The following TRPA1 variants were observed in gnomAD, a reference collection of about 807,000 sequenced individuals.
TRPA1 encodes the protein ankyrin-like with transmembrane domains 1.
In TRPA1, 129 loss-of-function variants were observed where a neutral mutation model predicts 131.3. That is an observed-to-expected ratio of 0.98 (90% CI 0.85 to 1.14). The LOEUF (loss-of-function observed/expected upper bound fraction) is 1.14, where lower values mean the gene tolerates loss of function less well. Ranked by LOEUF, TRPA1 falls within the 50% of genes most tolerant of loss-of-function variation. The pLI, the probability that TRPA1 is intolerant of heterozygous loss-of-function variation, is 0.00. For missense variants in TRPA1, 1,304 were observed against 1,354.2 expected (o/e 0.96, Z 0.58); for synonymous variants, 441 against 451.7 (o/e 0.98, Z 0.30).
At chr8:72,045,908 A>G (rs960834205) in intron 17 of TRPA1, among the ~76,000 whole-genome samples, 1 of 152,068 alleles carries the variant, frequency 6.6e-6, no homozygotes, top group East Asian at 1.9e-4. Flanking sequence ...ATTTAAGTCT[A>G]TGCTGTGTCT....
rs560054007 is a variant in TRPA1, at chr8:72,055,817, G to T, written c.1233C>A (p.Asn411Lys). ...QIKELVMDED[N>K]DGCTPLHYAC... ...CATAATGTAGAGGAGTACACCCATCGTTGTCTTCATCCATTACCAGCTCTT... is the reference window on the plus strand; with the variant it reads ...CATAATGTAGAGGAGTACACCCATCTTTGTCTTCATCCATTACCAGCTCTT... The change falls in exon 11 of 27, where the codon AAC (asparagine) becomes AAA (lysine). Residue 411 changes from asparagine (N) to lysine (K), a missense_variant. Asn to Lys is a moderately conservative substitution (Grantham distance 94). Transcript: ENST00000262209. 3.1e-6 allele frequency: 5 copies of T among 1,613,336 alleles called. No homozygotes were observed. Among genetic ancestry groups the T allele is most frequent in the Non-Finnish European group, 4.2e-6 (5 of 1,179,564 alleles).
rs140642064 is a variant in TRPA1 at position 72,055,130 on chromosome 8, T to C, written c.1529+306A>G. On this transcript the variant is annotated intron_variant, in intron 12 of 26. Coordinates refer to ENST00000262209, the MANE Select transcript of TRPA1 (RefSeq NM_007332.3). ...TATGGCAGCATGATGAGGTAAAATA[T>C]GAGAAACTATGTTTCAAAGAAAGGT... 1,040 of 348,634 alleles carry C rather than the reference T, an allele frequency of 3.0e-3. 16 individuals are homozygous for C. The highest frequency in any genetic ancestry group is 0.02 in the African/African-American group (925 of 46,728). The allele number at this position is 348,634 out of a possible 1,614,324, so 21.6% of individuals were successfully genotyped here.
At chr8:72,085,215 T>C in the TRPA1 span, among the ~76,000 whole-genome samples, 1 of 152,192 alleles carries the variant, frequency 6.6e-6, no homozygotes, top group Non-Finnish European at 1.5e-5. Context: ...TATCGTCCAA[T>C]ATATGGCTGA....
chr8:72,036,005 CAAAAAAAAAAAAA>C (rs58197251), intron 21 of TRPA1, among the ~76,000 whole-genome samples: 9 of 44,968 alleles, frequency 2.0e-4, no homozygotes, highest in Non-Finnish European at 3.5e-4. Flanking sequence ...TCCCCCTCCA[CAAAAAAAAAAAAA>C]AAAAAAAAAA....
In TRPA1 at chr8:72,065,523, C is replaced by T; in HGVS notation, c.480G>A (p.Leu160=). The T allele has an allele frequency of 6.2e-7, 1 of 1,613,428 alleles. No homozygotes were observed. Among genetic ancestry groups the T allele is most frequent in the Non-Finnish European group, 8.5e-7 (1 of 1,179,650 alleles). The change falls in exon 4 of 27, where the codon TTG becomes TTA. Residue 160 remains leucine (L), a synonymous_variant. Coordinates refer to ENST00000262209, the MANE Select transcript of TRPA1 (RefSeq NM_007332.3). ...LLEHRTIDVN[L]EGENGNTAVI... is the part of the protein sequence containing the mutation. ...CAGCTGTGTTTCCATTTTCTCCTTC[C>T]AAATTAACATCAATAGTTCTATGCT... is the stretch of plus-strand genomic sequence containing the variant.
At chr8:72,061,091 T>C (rs1805797530) in intron 7 of TRPA1, among the ~76,000 whole-genome samples, 1 of 152,246 alleles carries the variant, frequency 6.6e-6, no homozygotes, top group Admixed American at 6.5e-5. Context: ...TATGGCTTAA[T>C]ACACTTTGCC....
Position 72,039,744 on chromosome 8 carries a change from T to C in TRPA1, c.2115A>G (p.Glu705=), listed in dbSNP as rs750035569. 3 of 1,607,310 alleles carry C rather than the reference T, an allele frequency of 1.9e-6. No homozygotes were observed. The highest frequency in any genetic ancestry group is 1.7e-6 in the Non-Finnish European group (2 of 1,174,370). The part of the protein sequence containing the change: ...IELLNHPVCK[E]YLLMKWLAYG... ...ATACCCACCATTTCATGAGTAAATATTCTTTACACACAGGATGATTGAGAA... is the reference window on the plus strand; with the variant it reads ...ATACCCACCATTTCATGAGTAAATACTCTTTACACACAGGATGATTGAGAA... The change falls in exon 18 of 27, where the codon GAA becomes GAG. Residue 705 remains glutamate (E), a synonymous_variant. Coordinates refer to ENST00000262209, the MANE Select transcript of TRPA1 (RefSeq NM_007332.3).
the TRPA1 span, among the ~76,000 whole-genome samples, chr8:72,087,410 T>C: frequency 6.6e-6 from 1 of 152,170 alleles, no homozygotes; most frequent in African/African-American, 2.4e-5. Context: ...GGAATTGATG[T>C]TCAGTGTCTA....
At chr8:72,031,464 G>A (rs1234084731) in intron 23 of TRPA1, among the ~76,000 whole-genome samples, 1 of 151,956 alleles carries the variant, frequency 6.6e-6, no homozygotes, top group Non-Finnish European at 1.5e-5. Context: ...TGTAGTTACA[G>A]CTTCTGGGTA....
At position 72,022,305 on chromosome 8, in the gene TRPA1, A is replaced by C. The variant is rs1035314034; in HGVS notation, c.*601T>G. 6.2e-5 allele frequency: 10 copies of C among 162,380 alleles called. No homozygotes were observed. Among genetic ancestry groups the C allele is most frequent in the African/African-American group, 2.2e-4 (9 of 41,504 alleles). The allele number at this position is 162,380 out of a possible 1,614,324, so 10.1% of individuals were successfully genotyped here. On this transcript the variant is annotated 3_prime_UTR_variant, in exon 27 of 27. Coordinates refer to ENST00000262209, the MANE Select transcript of TRPA1 (RefSeq NM_007332.3). Reference sequence around the variant, plus strand: ...CATATCATAAGGCCTATTAATTTGTACTTCAACTATATGGCTCAAAGTGAC... The same window carrying C: ...CATATCATAAGGCCTATTAATTTGTCCTTCAACTATATGGCTCAAAGTGAC...
intron 14 of TRPA1, among the ~76,000 whole-genome samples, chr8:72,051,523 C>A (rs1011212795): frequency 6.6e-6 from 1 of 152,028 alleles, no homozygotes; most frequent in African/African-American, 2.4e-5. Context: ...TCAGTAAAAC[C>A]CATCTAGTAT....
chr8:72,052,836 C>A, intron 13 of TRPA1, 71 bp from the exon 14 acceptor site: 2 of 1,562,566 alleles, frequency 1.3e-6, no homozygotes, highest in African/African-American at 1.4e-5. Context: ...TGCTTAACTG[C>A]TTAAAAGACA....
chr8:72,079,520 T>G (rs537124516), upstream of TRPA1, among the ~76,000 whole-genome samples: 19 of 152,100 alleles, frequency 1.2e-4, no homozygotes, highest in Middle Eastern at 6.8e-3. Flanking sequence ...ACTACAAATG[T>G]AAGAGTTTGT....
At chr8:72,078,649 A>G (rs1000126715), upstream of TRPA1, among the ~76,000 whole-genome samples, 2 of 151,990 alleles carry the variant, frequency 1.3e-5, no homozygotes, top group Non-Finnish European at 2.9e-5. Flanking sequence ...TTCTTTACCT[A>G]TTTATCAGTT....
At chr8:72,075,229 C>T (rs981721703) in intron 1 of TRPA1, 70 bp downstream of exon 1, 3 of 1,231,698 alleles carry the variant, frequency 2.4e-6, no homozygotes, top group South Asian at 2.4e-5. Context: ...AGGGCTGCCC[C>T]CAAGGAAACC....
intron 13 of TRPA1, chr8:72,053,005 GA>G: frequency 3.3e-6 from 1 of 306,694 alleles, no homozygotes. Context: ...GAGAGATAGA[GA>G]AAGAGAGAGA....
At chr8:72,035,809 G>A (rs535700390) in intron 21 of TRPA1, among the ~76,000 whole-genome samples, 2 of 151,926 alleles carry the variant, frequency 1.3e-5, no homozygotes, top group South Asian at 4.2e-4. Context: ...TACTCCCCCT[G>A]TTTAGTCCAG....
chr8:72,045,607 C>G (rs1284438944), intron 17 of TRPA1, among the ~76,000 whole-genome samples: 1 of 148,996 alleles, frequency 6.7e-6, no homozygotes, highest in Admixed American at 6.8e-5. Flanking sequence ...AACTCCAGTC[C>G]TCAAATATGT....
chr8:72,086,800 G>C, the TRPA1 span, among the ~76,000 whole-genome samples: 13 of 152,068 alleles, frequency 8.5e-5, no homozygotes, highest in Admixed American at 2.6e-4. Context: ...TTTCAATCCA[G>C]TAATTATCTT....
Sources: gnomAD v4.1 joint callset for allele counts (sites outside exome capture counted in the v4.1 genomes callset) on GRCh38, gnomAD v4.1.1 for gene constraint, MANE v1.5 for transcripts, NCBI Gene and HGNC (gene_info 2026-07-23, HGNC 2026-07-21) for gene names.